Variants in HS3ST4 observed in about 807,000 individuals in gnomAD.
HS3ST4 encodes the protein heparan sulfate glucosamine 3-O-sulfotransferase 4.
Under a neutral mutation model 29.2 loss-of-function variants are expected in HS3ST4, and 17 were observed. That is an observed-to-expected ratio of 0.58 (90% confidence interval 0.40 to 0.87). The LOEUF is 0.87. HS3ST4 is among the 40% of genes least tolerant of loss of function. HS3ST4 has a pLI of 0.00. For missense variants in HS3ST4, 627 were observed against 634.5 expected (o/e 0.99, Z 0.13); for synonymous variants, 314 against 285.7 (o/e 1.10, Z -1.00).
At chr16:25,829,980 C>T (rs1166515342) in intron 1 of HS3ST4, among the ~76,000 whole-genome samples, 3 of 152,040 alleles carry the variant, frequency 2.0e-5, no homozygotes, top group East Asian at 1.9e-4. Context: ...CACACCACCA[C>T]GCCTGGCTAA....
intron 1 of HS3ST4, among the ~76,000 whole-genome samples, chr16:25,726,859 C>T (rs1217395598): frequency 6.6e-6 from 1 of 152,128 alleles, no homozygotes; most frequent in Admixed American, 6.6e-5. Context: ...TTACATTTCT[C>T]ACATATGCTG....
intron 1 of HS3ST4, among the ~76,000 whole-genome samples, chr16:25,988,548 G>A (rs1391988232): frequency 6.6e-6 from 1 of 152,182 alleles, no homozygotes. Flanking sequence ...CATGATCTAA[G>A]GTGATACAGC....
At chr16:25,731,339 ATTTTTTC>A (rs527475050) in intron 1 of HS3ST4, among the ~76,000 whole-genome samples, 13 of 151,982 alleles carry the variant, frequency 8.6e-5, no homozygotes, top group Non-Finnish European at 1.9e-4. Context: ...AGATACTCTT[ATTTTTTC>A]TTTTTTCTTT....
chr16:26,105,758 C>G (rs1899047575), intron 1 of HS3ST4, among the ~76,000 whole-genome samples: 3 of 152,256 alleles, frequency 2.0e-5, no homozygotes, highest in Admixed American at 2.0e-4. Context: ...CAGGCTTCCC[C>G]CATGGGGCTT....
intron 1 of HS3ST4, among the ~76,000 whole-genome samples, chr16:25,877,351 A>G (rs546107521): frequency 1.3e-5 from 2 of 152,246 alleles, no homozygotes; most frequent in East Asian, 3.9e-4. Context: ...CTTATGAGGA[A>G]AGGGATTATT....
intron 1 of HS3ST4, among the ~76,000 whole-genome samples, chr16:25,783,331 T>C (rs547641785): frequency 6.6e-6 from 1 of 152,334 alleles, no homozygotes; most frequent in East Asian, 1.9e-4. Flanking sequence ...TGATTGCCCA[T>C]ATCTCTAGTT....
chr16:25,715,298 C>T (rs1005904130), intron 1 of HS3ST4, among the ~76,000 whole-genome samples: 12 of 145,830 alleles, frequency 8.2e-5, no homozygotes, highest in East Asian at 2.0e-4. Flanking sequence ...GTCCGCAGTC[C>T]GGCCTGGGCG....
At chr16:25,923,459 C>T (rs1163455920) in intron 1 of HS3ST4, among the ~76,000 whole-genome samples, 3 of 152,190 alleles carry the variant, frequency 2.0e-5, no homozygotes, top group Non-Finnish European at 4.4e-5. Flanking sequence ...TTGCCTGACA[C>T]TTGAGGCATC....
At chr16:25,891,273 C>G (rs760984070) in intron 1 of HS3ST4, among the ~76,000 whole-genome samples, 1 of 152,182 alleles carries the variant, frequency 6.6e-6, no homozygotes, top group Non-Finnish European at 1.5e-5. Flanking sequence ...TCCAGTTACT[C>G]TTGCTGTGTA....
intron 1 of HS3ST4, among the ~76,000 whole-genome samples, chr16:26,119,515 G>A (rs1899244130): frequency 6.6e-6 from 1 of 152,176 alleles, no homozygotes; most frequent in African/African-American, 2.4e-5. Flanking sequence ...TGAGTGGATG[G>A]TGATGCCCTC....
intron 1 of HS3ST4, among the ~76,000 whole-genome samples, chr16:26,038,658 G>A (rs1257668762): frequency 7.0e-6 from 1 of 143,108 alleles, no homozygotes; most frequent in South Asian, 2.1e-4. Context: ...TTTTAATTAT[G>A]TATGTATGTA....
At chr16:26,067,521 CCTGTGCCACCT>C (rs1898556482) in intron 1 of HS3ST4, among the ~76,000 whole-genome samples, 1 of 152,058 alleles carries the variant, frequency 6.6e-6, no homozygotes, top group Admixed American at 6.5e-5. Flanking sequence ...CCCAGCCACC[CCTGTGCCACCT>C]CACTGATTCT....
chr16:26,035,322 A>C (rs947768912), intron 1 of HS3ST4, among the ~76,000 whole-genome samples: 9 of 152,134 alleles, frequency 5.9e-5, no homozygotes, highest in Non-Finnish European at 1.3e-4. Context: ...GTTATCATCT[A>C]CTCATGGACT....
intron 1 of HS3ST4, among the ~76,000 whole-genome samples, chr16:25,810,159 G>A (rs533042264): frequency 1.3e-5 from 2 of 150,698 alleles, no homozygotes; most frequent in East Asian, 2.0e-4. Flanking sequence ...ATGTAGTTAC[G>A]GTGTACTTTC....
chr16:25,779,564 G>T (rs552931743), intron 1 of HS3ST4, among the ~76,000 whole-genome samples: 67 of 152,272 alleles, frequency 4.4e-4, no homozygotes, highest in African/African-American at 1.6e-3. Flanking sequence ...AGACCCTGAG[G>T]AGTCTAAACC....
chr16:25,828,329 T>C (rs1967256045), intron 1 of HS3ST4, among the ~76,000 whole-genome samples: 2 of 137,240 alleles, frequency 1.5e-5, no homozygotes, highest in African/African-American at 5.6e-5. Flanking sequence ...TCTCTCTCTC[T>C]CTCTCTCTCT....
chr16:26,012,573 CAT>C (rs751676207), intron 1 of HS3ST4, among the ~76,000 whole-genome samples: 13 of 152,188 alleles, frequency 8.5e-5, no homozygotes, highest in Non-Finnish European at 1.3e-4. Flanking sequence ...CCTCTGCTGA[CAT>C]ATACCTCTTG....
chr16:25,936,837 G>A (rs1358524179), intron 1 of HS3ST4, among the ~76,000 whole-genome samples: 1 of 152,248 alleles, frequency 6.6e-6, no homozygotes, highest in Admixed American at 6.5e-5. Flanking sequence ...TATAGGAACT[G>A]CTTTTGTAGC....
chr16:26,110,734 A>G (rs1899117377), intron 1 of HS3ST4, among the ~76,000 whole-genome samples: 1 of 152,188 alleles, frequency 6.6e-6, no homozygotes, highest in East Asian at 1.9e-4. Context: ...TTCTGTGCTC[A>G]GAAACTACTG....
Sources: allele counts gnomAD v4.1 joint callset (sites outside exome capture counted in the v4.1 genomes callset), GRCh38; gene constraint gnomAD v4.1.1; transcripts MANE v1.5; gene names NCBI Gene and HGNC (gene_info 2026-07-23, HGNC 2026-07-21).